TJP3: variants seen among roughly 807,000 people sequenced by gnomAD.
TJP3 encodes the protein tight junction protein 3, also known as tight junction protein ZO-3.
TJP3 carries 85 observed loss-of-function variants against 104.2 expected under a neutral mutation model. That is an observed-to-expected ratio of 0.82 (90% CI 0.68 to 0.98). The LOEUF is 0.98. Among genes scored for constraint, TJP3 ranks in the 50% least tolerant of loss-of-function variants. The pLI, the probability that TJP3 is intolerant of heterozygous loss-of-function variation, is 0.00. For missense variants in TJP3, 1,367 were observed against 1,322.8 expected (o/e 1.03, Z -0.52); for synonymous variants, 550 against 550.6 (o/e 1.00, Z 0.02).
intron 1 of TJP3, among the ~76,000 whole-genome samples, chr19:3,724,253 T>C (rs550716975): frequency 2.7e-5 from 4 of 148,970 alleles, no homozygotes; most frequent in South Asian, 4.3e-4. Flanking sequence ...TGGAGTGCAG[T>C]GGCACAATCT....
At chr19:3,714,431 G>T (rs986936176) in intron 1 of TJP3, among the ~76,000 whole-genome samples, 13 of 151,586 alleles carry the variant, frequency 8.6e-5, no homozygotes, top group Admixed American at 6.6e-4. Flanking sequence ...ACCCGCGTTG[G>T]CCTCCCAAAG....
intron 7 of TJP3, 33 bp downstream of exon 7, chr19:3,733,945 G>A (rs762892977): frequency 6.2e-7 from 1 of 1,604,144 alleles, no homozygotes; most frequent in Non-Finnish European, 8.5e-7. Context: ...CTGGGAGGGG[G>A]TTGAATGGAT....
At chr19:3,714,828 C>T (rs1008443492) in intron 1 of TJP3, among the ~76,000 whole-genome samples, 1 of 152,068 alleles carries the variant, frequency 6.6e-6, no homozygotes, top group Non-Finnish European at 1.5e-5. Flanking sequence ...CTCCAGAACT[C>T]CACCTTCCCT....
At chr19:3,712,118 C>T (rs2036439912) in intron 1 of TJP3, among the ~76,000 whole-genome samples, 1 of 152,126 alleles carries the variant, frequency 6.6e-6, no homozygotes. Flanking sequence ...GAGTTTGAGA[C>T]CAGCCTGGCA....
chr19:3,724,485 G>A (rs1455569336), intron 1 of TJP3, among the ~76,000 whole-genome samples: 1 of 152,174 alleles, frequency 6.6e-6, no homozygotes, highest in Non-Finnish European at 1.5e-5. Flanking sequence ...ATGAGCCACT[G>A]TGCCCGGGCA....
Position 3,746,968 on chromosome 19 carries a change from G to A in TJP3, c.2322+92G>A, listed in dbSNP as rs1599165057. On this transcript the variant is annotated intron_variant, in intron 18 of 20. Coordinates refer to ENST00000541714, the MANE Select transcript of TJP3 (RefSeq NM_001267560.2). This position sits in a 1 kb window ranked among gnomAD's most constrained non-coding sequence, Gnocchi z 4.1. ...TTTGGGGCCTCTGTCGGGAGTTAGG[G>A]CTTGGTCAGGGATCAGGACTGTGGC... 10 of 1,261,300 alleles carry A rather than the reference G, an allele frequency of 7.9e-6. No individual in the cohort carries two copies. Among genetic ancestry groups the A allele is most frequent in the East Asian group, 2.5e-5 (1 of 39,622 alleles). 78.1% of individuals were successfully genotyped at this position (1,261,300 alleles called of 1,614,324 possible).
At chr19:3,719,521 A>C (rs919063782) in intron 1 of TJP3, among the ~76,000 whole-genome samples, 3 of 151,742 alleles carry the variant, frequency 2.0e-5, no homozygotes, top group African/African-American at 7.3e-5. Flanking sequence ...TAATCACTTG[A>C]GGCCAGGAGT....
At chr19:3,734,260 C>A in intron 7 of TJP3, 67 bp from the exon 8 acceptor site, 1 of 1,513,838 alleles carries the variant, frequency 6.6e-7, no homozygotes, top group South Asian at 1.2e-5. Flanking sequence ...TTGATATACC[C>A]CTCTGTAAAA....
intron 1 of TJP3, among the ~76,000 whole-genome samples, chr19:3,715,194 A>G (rs1263527183): frequency 4.0e-5 from 6 of 150,496 alleles, no homozygotes; most frequent in Non-Finnish European, 7.4e-5. Context: ...GGTTCACGCC[A>G]TTCTCCTGCC....
At chr19:3,728,886 C>G (rs1301448580) in intron 3 of TJP3, among the ~76,000 whole-genome samples, 173 bp downstream of exon 3, 1 of 152,128 alleles carries the variant, frequency 6.6e-6, no homozygotes. Context: ...AACCCCGTCT[C>G]TACTAAAATT....
chr19:3,713,317 G>A (rs972780504), intron 1 of TJP3, among the ~76,000 whole-genome samples: 1 of 152,124 alleles, frequency 6.6e-6, no homozygotes, highest in Non-Finnish European at 1.5e-5. Flanking sequence ...AACCTCCCAG[G>A]GTCCCCCAAA....
At position 3,730,391 on chromosome 19, in the gene TJP3, A is replaced by T; in HGVS notation, c.298A>T (p.Thr100Ser). ...KRPRRIHLPATKASPSSPGRQ... is the reference protein window; with the variant it reads ...KRPRRIHLPASKASPSSPGRQ... ...TCCCCGGAGGATCCACCTGCCCGCC[A>T]CCAAAGCCAGCCCCTCCAGCCCAGG... is the stretch of plus-strand genomic sequence containing the variant. Residue 100 changes from threonine to serine, a missense_variant, in exon 5 of 21, where the codon ACC (threonine) becomes TCC (serine). Coordinates refer to ENST00000541714, the MANE Select transcript of TJP3 (RefSeq NM_001267560.2). The surrounding 1 kb of genome is among the most constrained non-coding windows in gnomAD (Gnocchi z 7.3). 6.4e-7 allele frequency: 1 copy of T among 1,558,784 alleles called. No individual in the cohort carries two copies. Among genetic ancestry groups the T allele is most frequent in the Non-Finnish European group, 8.7e-7 (1 of 1,154,860 alleles).
chr19:3,718,378 T>C (rs1007068638), intron 1 of TJP3, among the ~76,000 whole-genome samples: 10 of 148,536 alleles, frequency 6.7e-5, no homozygotes, highest in Admixed American at 1.4e-4. Context: ...CCACTGTTCC[T>C]GGCCAAGCCT....
intron 1 of TJP3, among the ~76,000 whole-genome samples, chr19:3,727,998 G>C (rs527301874): frequency 1.3e-5 from 2 of 151,910 alleles, no homozygotes; most frequent in East Asian, 3.9e-4. Flanking sequence ...CCAGCACTTT[G>C]GGAGGCCGAG....
At chr19:3,734,621 G>A (rs1335225789) in intron 8 of TJP3, among the ~76,000 whole-genome samples, 186 bp downstream of exon 8, 2 of 152,206 alleles carry the variant, frequency 1.3e-5, no homozygotes, top group Non-Finnish European at 2.9e-5. Context: ...GTCCGCATTT[G>A]TAGGTGTTGG....
At chr19:3,747,772 A>G (rs1412441209) in intron 18 of TJP3, 22 bp from the exon 19 acceptor site, 3 of 1,543,890 alleles carry the variant, frequency 1.9e-6, no homozygotes, top group Non-Finnish European at 2.6e-6. Flanking sequence ...GGCCAGCCGC[A>G]GCATCCACAC....
At chr19:3,736,529 A>G (rs1038408020) in intron 11 of TJP3, among the ~76,000 whole-genome samples, 1 of 152,176 alleles carries the variant, frequency 6.6e-6, no homozygotes, top group African/African-American at 2.4e-5. Context: ...CTCATCGTCC[A>G]GTTACAACCT....
At chr19:3,728,877 A>G (rs1330725597) in intron 3 of TJP3, among the ~76,000 whole-genome samples, 164 bp downstream of exon 3, 1 of 151,964 alleles carries the variant, frequency 6.6e-6, no homozygotes, top group Non-Finnish European at 1.5e-5. Context: ...ACATGGTGAA[A>G]CCCCGTCTCT....
At chr19:3,722,876 GA>G (rs1599146532) in intron 1 of TJP3, among the ~76,000 whole-genome samples, 4 of 106,010 alleles carry the variant, frequency 3.8e-5, no homozygotes, top group Admixed American at 1.0e-4. Flanking sequence ...GGGCACAGGG[GA>G]CGGCGGCCCG....
Sources: gnomAD v4.1 joint callset for allele counts (sites outside exome capture counted in the v4.1 genomes callset) on GRCh38, gnomAD v4.1.1 for gene constraint, Gnocchi (gnomAD v3.1) non-coding constraint, MANE v1.5 for transcripts, NCBI Gene and HGNC (gene_info 2026-07-23, HGNC 2026-07-21) for gene names.